Variants in MBD5 observed in about 807,000 individuals in gnomAD.
MBD5 encodes methyl-CpG binding domain protein 5.
Under a neutral mutation model 117.3 loss-of-function variants are expected in MBD5, and 13 were observed. The observed-to-expected ratio is 0.11, with a 90% confidence interval of 0.07 to 0.18. MBD5 has a LOEUF of 0.18. MBD5 is among the 10% of genes least tolerant of loss of function. The pLI, the probability that MBD5 is intolerant of heterozygous loss-of-function variation, is 1.00. For synonymous variants in MBD5, 727 were observed against 766.4 expected (o/e 0.95, Z 0.85); for missense variants, 1,879 against 2,093.8 (o/e 0.90, Z 2.00).
At chr2:148,065,879 G>A (rs991490592) in intron 1 of MBD5, among the ~76,000 whole-genome samples, 1 of 152,162 alleles carries the variant, frequency 6.6e-6, no homozygotes, top group Admixed American at 6.5e-5. Context: ...GCATTTAGTT[G>A]ATGTGTAGTT....
intron 2 of MBD5, among the ~76,000 whole-genome samples, chr2:148,218,337 A>C (rs1699606090): frequency 6.6e-6 from 1 of 152,178 alleles, no homozygotes; most frequent in African/African-American, 2.4e-5. Flanking sequence ...TATGAACAGC[A>C]GGATTGCAAG....
At chr2:148,197,401 A>G (rs1325165098) in intron 2 of MBD5, among the ~76,000 whole-genome samples, 2 of 152,208 alleles carry the variant, frequency 1.3e-5, no homozygotes, top group African/African-American at 4.8e-5. Flanking sequence ...TTTGTTATGC[A>G]GCAGTAATTA....
chr2:148,303,248 G>A (rs1480048092), intron 3 of MBD5, among the ~76,000 whole-genome samples: 2 of 152,194 alleles, frequency 1.3e-5, no homozygotes, highest in African/African-American at 2.4e-5. Context: ...AGCCATTTAA[G>A]CTTCTGAAGA....
chr2:148,370,477 C>T (rs1297307884), intron 4 of MBD5, among the ~76,000 whole-genome samples: 1 of 151,636 alleles, frequency 6.6e-6, no homozygotes, highest in Non-Finnish European at 1.5e-5. Context: ...GCACGATAGC[C>T]TATTTATTTA....
intron 1 of MBD5, among the ~76,000 whole-genome samples, chr2:148,105,189 A>G (rs535194956): frequency 6.7e-6 from 1 of 149,058 alleles, no homozygotes; most frequent in South Asian, 2.1e-4. Flanking sequence ...TGCAGCATCT[A>G]TAGTTATATA....
intron 1 of MBD5, among the ~76,000 whole-genome samples, chr2:148,102,707 CACACACACACACACACACACACAGAGAG>C (rs1558926387): frequency 3.0e-3 from 64 of 21,056 alleles, no homozygotes; most frequent in African/African-American, 5.3e-3. Flanking sequence ...AGATCACACA[CACACACACACACACACACACACAGAGAG>C]AGAGAGAGAG....
intron 2 of MBD5, among the ~76,000 whole-genome samples, chr2:148,183,420 A>G (rs1698575680): frequency 6.6e-6 from 1 of 152,148 alleles, no homozygotes; most frequent in Non-Finnish European, 1.5e-5. Context: ...AGTAATTATA[A>G]TCATAATTGT....
intron 3 of MBD5, among the ~76,000 whole-genome samples, chr2:148,270,938 T>G (rs1253287329): frequency 6.6e-6 from 1 of 152,148 alleles, no homozygotes; most frequent in African/African-American, 2.4e-5. Flanking sequence ...TTCCTTTTCC[T>G]TATTGTTTGT....
intron 11 of MBD5, among the ~76,000 whole-genome samples, chr2:148,495,437 C>T (rs1005784340): frequency 6.6e-6 from 1 of 152,080 alleles, no homozygotes; most frequent in Non-Finnish European, 1.5e-5. Flanking sequence ...TTTTTTTCTG[C>T]ATAGATCATT....
rs1333377571 is a variant in MBD5 at position 148,462,550 on chromosome 2, T to C, written c.114-32T>C. The C allele has an allele frequency of 9.6e-6, 13 of 1,347,380 alleles. No individual in the cohort carries two copies. In the Admixed American group the frequency reaches 2.2e-4, roughly 23 times the overall value. The allele number at this position is 1,347,380 out of a possible 1,614,324, so 83.5% of individuals were successfully genotyped here. On this transcript the variant is annotated intron_variant, in intron 5 of 13. Transcript: ENST00000642680. ...CATATAATATGTGTAGTCAAAATTATTTCCTGATGTTTTTTTAAACTATTT... is the reference window on the plus strand; with the variant it reads ...CATATAATATGTGTAGTCAAAATTACTTCCTGATGTTTTTTTAAACTATTT...
chr2:148,036,838 G>T (rs1452996448), intron 1 of MBD5, among the ~76,000 whole-genome samples: 6 of 151,992 alleles, frequency 3.9e-5, no homozygotes, highest in Non-Finnish European at 2.9e-5. Context: ...TCATATTAAA[G>T]AACATTTTAA....
intron 4 of MBD5, among the ~76,000 whole-genome samples, chr2:148,441,944 A>C (rs1024210318): frequency 5.9e-5 from 9 of 152,144 alleles, no homozygotes; most frequent in African/African-American, 2.2e-4. Flanking sequence ...CCCACTTGTT[A>C]ATAGTGTTGT....
chr2:148,294,398 G>C (rs2106443543), intron 3 of MBD5, among the ~76,000 whole-genome samples: 1 of 147,610 alleles, frequency 6.8e-6, no homozygotes, highest in South Asian at 2.1e-4. Context: ...CTAATTTTTT[G>C]TATTTTTAGT....
intron 11 of MBD5, among the ~76,000 whole-genome samples, chr2:148,492,889 T>C (rs2105152805): frequency 6.6e-6 from 1 of 152,244 alleles, no homozygotes; most frequent in African/African-American, 2.4e-5. Context: ...GAGAGATATC[T>C]AGTAGAACAC....
In MBD5 at chr2:148,468,430, G is replaced by A; in HGVS notation, c.487G>A (p.Glu163Lys). 2 of 1,613,778 alleles carry A rather than the reference G, an allele frequency of 1.2e-6. No individual in the cohort carries two copies. Among genetic ancestry groups the A allele is most frequent in the Non-Finnish European group, 1.7e-6 (2 of 1,179,810 alleles). The part of the protein sequence containing the change: ...HEGITNSVMP[E>K]CKNPFKLMIG... ...AGGAATTACAAATTCTGTAATGCCT[G>A]AATGTAAGAATCCTTTCAAGTTAAT... Residue 163 changes from glutamate to lysine, a missense_variant, in exon 8 of 14, where the codon GAA (glutamate) becomes AAA (lysine). Glu to Lys is a moderately conservative substitution (Grantham distance 56). This residue lies in a region of MBD5 where 1,666 missense variants were observed against 1,792.2 expected (regional missense o/e 0.93). Transcript: ENST00000642680.
At chr2:148,109,280 G>A (rs1343235517) in intron 1 of MBD5, among the ~76,000 whole-genome samples, 1 of 151,968 alleles carries the variant, frequency 6.6e-6, no homozygotes, top group Non-Finnish European at 1.5e-5. Context: ...GTGAGACTCT[G>A]TCTCAAAGAG....
chr2:148,139,095 CTA>C (rs1558941685), intron 1 of MBD5, among the ~76,000 whole-genome samples: 1 of 152,104 alleles, frequency 6.6e-6, no homozygotes. Context: ...AATTTTGAAA[CTA>C]TTTTTATGCC....
Position 148,067,228 on chromosome 2 carries a change from C to T in MBD5, c.-925+45544C>T, listed in dbSNP as rs192761878. ...TATTGAACACCCACTCTGAACCACA[C>T]GCTATATTAGACATTGAAATGTCTA... On this transcript the variant is annotated intron_variant, in intron 1 of 13. Coordinates refer to ENST00000642680, the MANE Select transcript of MBD5 (RefSeq NM_001378120.1). 2.0e-4 allele frequency among the ~76,000 whole-genome samples: 30 copies of T among 152,144 alleles called. 1 individual carries two copies. The highest frequency in any genetic ancestry group is 3.4e-4 in the Non-Finnish European group (23 of 68,036).
At chr2:148,278,002 C>T (rs1257869275) in intron 3 of MBD5, among the ~76,000 whole-genome samples, 1 of 152,116 alleles carries the variant, frequency 6.6e-6, no homozygotes, top group Non-Finnish European at 1.5e-5. Context: ...AGATACAGAA[C>T]CTCCATCACC....
Sources: allele counts gnomAD v4.1 joint callset (sites outside exome capture counted in the v4.1 genomes callset), GRCh38; gene constraint gnomAD v4.1.1; regional missense constraint gnomAD v4.1.1; transcripts MANE v1.5; gene names NCBI Gene and HGNC (gene_info 2026-07-23, HGNC 2026-07-21).